FHIP1A: variants seen among roughly 807,000 people sequenced by gnomAD.
FHIP1A encodes the protein FHF complex subunit HOOK-interacting protein 1A.
In FHIP1A, 61 loss-of-function variants were observed where a neutral mutation model predicts 88.6. The ratio of observed to expected loss-of-function variants is 0.69; its 90% CI spans 0.56 to 0.85. The LOEUF is 0.85. Among genes scored for constraint, FHIP1A ranks in the 40% least tolerant of loss-of-function variants. The probability of loss-of-function intolerance (pLI) is 0.00; values close to 1 mark genes in which losing one functional copy is unlikely to be tolerated. For missense variants in FHIP1A, 1,154 were observed against 1,273.5 expected, an observed-to-expected ratio of 0.91 and a Z score of 1.43; for synonymous variants, 478 against 496.0, an observed-to-expected ratio of 0.96 and a Z score of 0.48.
At chr4:151,530,465 A>T (rs1247238780) in intron 3 of FHIP1A, among the ~76,000 whole-genome samples, 1 of 152,118 alleles carries the variant, frequency 6.6e-6, no homozygotes, top group Non-Finnish European at 1.5e-5. Context: ...CTCTTTCCTC[A>T]TGCTACAGAT....
chr4:151,598,825 C>T (rs1016347999), intron 7 of FHIP1A, among the ~76,000 whole-genome samples: 1 of 152,172 alleles, frequency 6.6e-6, no homozygotes, highest in Non-Finnish European at 1.5e-5. Flanking sequence ...TTACAACTCA[C>T]TTGGTTCACA....
intron 7 of FHIP1A, among the ~76,000 whole-genome samples, chr4:151,617,851 A>G (rs1315622986): frequency 1.3e-5 from 2 of 152,148 alleles, no homozygotes; most frequent in Admixed American, 6.5e-5. Flanking sequence ...GCGCCACTGC[A>G]CTCCAGCCTG....
intron 3 of FHIP1A, among the ~76,000 whole-genome samples, chr4:151,505,282 C>T (rs1730792487): frequency 6.6e-6 from 1 of 152,080 alleles, no homozygotes; most frequent in African/African-American, 2.4e-5. Context: ...TGCCTACTTT[C>T]GTGATGATGA....
intron 2 of FHIP1A, among the ~76,000 whole-genome samples, chr4:151,465,683 G>C (rs980049203): frequency 6.6e-6 from 1 of 152,196 alleles, no homozygotes; most frequent in Admixed American, 6.5e-5. Context: ...CCACGATCAA[G>C]TAGGCTTCAT....
In FHIP1A at chr4:151,656,994, A is replaced by G. The variant is rs1578871617; in HGVS notation, c.2869+96A>G. ...TCACAGATGCTGCACTGGCTTCTGGATCCTAGAAGCATTCAGAGATATTTT... is the reference window on the plus strand; with the variant it reads ...TCACAGATGCTGCACTGGCTTCTGGGTCCTAGAAGCATTCAGAGATATTTT... On this transcript the variant is annotated intron_variant, in intron 13 of 13. Transcript: ENST00000435205. This position sits in a 1 kb window ranked among gnomAD's most constrained non-coding sequence, Gnocchi z 4.2. 8.4e-7 allele frequency: 1 copy of G among 1,186,202 alleles called. No individual in the cohort carries two copies. Among genetic ancestry groups the G allele is most frequent in the African/African-American group, 1.5e-5 (1 of 64,602 alleles). The allele number at this position is 1,186,202 out of a possible 1,614,324, so 73.5% of individuals were successfully genotyped here. A position where few individuals can be genotyped will look rare whatever the true frequency, so the allele number is the denominator to read the frequency against.
chr4:151,446,065 A>C (rs1728590038), intron 1 of FHIP1A, among the ~76,000 whole-genome samples: 1 of 151,662 alleles, frequency 6.6e-6, no homozygotes, highest in African/African-American at 2.4e-5. Context: ...GTTTAGTTTT[A>C]CTAGGTGATG....
intron 4 of FHIP1A, among the ~76,000 whole-genome samples, chr4:151,570,935 A>G (rs1056818851): frequency 2.0e-5 from 3 of 152,206 alleles, no homozygotes; most frequent in African/African-American, 7.2e-5. Context: ...ATAGTAGTCT[A>G]TTAGAACAGT....
In FHIP1A at chr4:151,646,719, T is replaced by C; in HGVS notation, c.1388T>C (p.Leu463Pro). The change falls in exon 10 of 14, where the codon CTC becomes CCC. Residue 463 changes from leucine to proline, a missense_variant. Transcript: ENST00000435205. ...GGGAACCAAGAGAGGGATTATATTC[T>C]CTGGTCAAAGTGTATGCATGACACT... The part of the protein sequence containing the change: ...TLGNQERDYI[L>P]WSKCMHDTSG... 1.3e-6 allele frequency: 2 copies of C among 1,551,270 alleles called. No individual in the cohort carries two copies. The highest frequency in any genetic ancestry group is 1.7e-6 in the Non-Finnish European group (2 of 1,146,836).
chr4:151,539,577 A>T (rs1399441179), intron 3 of FHIP1A, among the ~76,000 whole-genome samples: 2 of 151,526 alleles, frequency 1.3e-5, no homozygotes, highest in African/African-American at 4.9e-5. Flanking sequence ...AAAAAAAAAA[A>T]AAAAAAAAAT....
At chr4:151,631,846 A>G (rs1387345142) in intron 8 of FHIP1A, among the ~76,000 whole-genome samples, 1 of 152,186 alleles carries the variant, frequency 6.6e-6, no homozygotes, top group Admixed American at 6.6e-5. Context: ...TGCTTGCTTC[A>G]CATTACTTCT....
intron 7 of FHIP1A, among the ~76,000 whole-genome samples, chr4:151,595,061 C>A (rs1734595863): frequency 6.6e-6 from 1 of 152,146 alleles, no homozygotes; most frequent in South Asian, 2.1e-4. Context: ...TTCTTGTCTT[C>A]TGCTAGCTTT....
At chr4:151,613,980 T>C (rs1024974945) in intron 7 of FHIP1A, among the ~76,000 whole-genome samples, 1 of 151,910 alleles carries the variant, frequency 6.6e-6, no homozygotes, top group African/African-American at 2.4e-5. Context: ...CTGGCTAATA[T>C]GGTGAAACCC....
chr4:151,573,067 C>T (rs781693638), intron 4 of FHIP1A, among the ~76,000 whole-genome samples: 1 of 152,132 alleles, frequency 6.6e-6, no homozygotes, highest in African/African-American at 2.4e-5. Context: ...GAAAGAAATA[C>T]GCTATTTATT....
chr4:151,511,180 A>G (rs556642400), intron 3 of FHIP1A, among the ~76,000 whole-genome samples: 1 of 152,348 alleles, frequency 6.6e-6, no homozygotes, highest in Admixed American at 6.5e-5. Flanking sequence ...ATCTAAAATT[A>G]TAATTAAGAT....
chr4:151,421,536 A>G (rs1160213810), intron 1 of FHIP1A, among the ~76,000 whole-genome samples: 1 of 152,188 alleles, frequency 6.6e-6, no homozygotes, highest in Non-Finnish European at 1.5e-5. Flanking sequence ...CTCTTTCCCC[A>G]CATAAGAATG....
At position 151,586,728 on chromosome 4, in the gene FHIP1A, G is replaced by T. The variant is rs1327272937; in HGVS notation, c.820G>T (p.Asp274Tyr). The change falls in exon 6 of 14, where the codon GAT becomes TAT. Residue 274 changes from aspartate (D) to tyrosine (Y), a missense_variant. Coordinates refer to ENST00000435205, the MANE Select transcript of FHIP1A (RefSeq NM_001109977.3). ...KGEEWHCLLK[D>Y]DWLLLPSLVQ... ...CGAGGAATGGCACTGCCTTCTGAAA[G>T]ATGACTGGCTTCTACTTCCTTCTCT... 6.4e-7 allele frequency: 1 copy of T among 1,551,464 alleles called. No individual in the cohort carries two copies.
At chr4:151,626,082 G>A (rs1323438178) in intron 7 of FHIP1A, among the ~76,000 whole-genome samples, 1 of 152,176 alleles carries the variant, frequency 6.6e-6, no homozygotes, top group African/African-American at 2.4e-5. Context: ...TACTGAATTT[G>A]CAAGCAAAGC....
chr4:151,490,490 G>T (rs1327419715), intron 3 of FHIP1A, among the ~76,000 whole-genome samples: 2 of 152,042 alleles, frequency 1.3e-5, no homozygotes, highest in African/African-American at 4.8e-5. Flanking sequence ...CACCCTGTGG[G>T]ACAAAAAAAT....
At chr4:151,647,710 A>G (rs1375482951) in intron 10 of FHIP1A, among the ~76,000 whole-genome samples, 1 of 152,224 alleles carries the variant, frequency 6.6e-6, no homozygotes, top group Admixed American at 6.5e-5. Context: ...TAGTATGGAT[A>G]TCTTATATTT....
Sources: gnomAD v4.1 joint callset for allele counts (sites outside exome capture counted in the v4.1 genomes callset) on GRCh38, gnomAD v4.1.1 for gene constraint, Gnocchi (gnomAD v3.1) non-coding constraint, MANE v1.5 for transcripts, NCBI Gene and HGNC (gene_info 2026-07-23, HGNC 2026-07-21) for gene names.